Variants in PCSK6 observed in about 807,000 individuals in gnomAD.
The protein encoded by PCSK6 is paired basic amino acid cleaving enzyme 4.
PCSK6 carries 85 observed loss-of-function variants against 123.3 expected under a neutral mutation model. The ratio of observed to expected loss-of-function variants is 0.69; its 90% CI spans 0.58 to 0.83. The LOEUF (loss-of-function observed/expected upper bound fraction) is 0.83. Ranked by LOEUF, PCSK6 falls within the 40% of genes least tolerant of loss-of-function variation. PCSK6 has a pLI of 0.00. For synonymous variants in PCSK6, 508 were observed against 516.0 expected, an observed-to-expected ratio of 0.98 and a Z score of 0.21; for missense variants, 1,191 against 1,282.3, an observed-to-expected ratio of 0.93 and a Z score of 1.09.
At chr15:101,421,145 C>T (rs1275055893) in intron 6 of PCSK6, among the ~76,000 whole-genome samples, 1 of 152,162 alleles carries the variant, frequency 6.6e-6, no homozygotes, top group Non-Finnish European at 1.5e-5. Context: ...CAGGGTTTCA[C>T]CATGTTGGCA....
intron 2 of PCSK6, 100 bp downstream of exon 2, chr15:101,443,456 C>T (rs2141152759): frequency 1.3e-6 from 1 of 783,956 alleles, no homozygotes; most frequent in East Asian, 2.5e-5. Flanking sequence ...ATGGAAAACT[C>T]ATGTCTATCC....
intron 1 of PCSK6, among the ~76,000 whole-genome samples, chr15:101,474,951 G>T (rs374344974): frequency 1.3e-5 from 2 of 152,062 alleles, no homozygotes. Context: ...AGTTGTTTTC[G>T]GATGGGATGC....
chr15:101,403,671 G>A (rs2042678627), intron 6 of PCSK6, among the ~76,000 whole-genome samples: 1 of 152,140 alleles, frequency 6.6e-6, no homozygotes, highest in African/African-American at 2.4e-5. Context: ...CTTCTCAGAG[G>A]AAAATGATCA....
chr15:101,450,473 A>G (rs1456709410), intron 1 of PCSK6, among the ~76,000 whole-genome samples: 1 of 152,186 alleles, frequency 6.6e-6, no homozygotes, highest in African/African-American at 2.4e-5. Flanking sequence ...CTGTATGCCC[A>G]GACATGGCTA....
chr15:101,390,141 C>T (rs879519479), intron 8 of PCSK6, among the ~76,000 whole-genome samples: 8 of 43,802 alleles, frequency 1.8e-4, no homozygotes, highest in Admixed American at 9.3e-4. Flanking sequence ...TGTTCTTGAC[C>T]GCCCAAGGCC....
chr15:101,447,413 A>G (rs1299145589), intron 1 of PCSK6, among the ~76,000 whole-genome samples: 2 of 152,146 alleles, frequency 1.3e-5, no homozygotes, highest in Non-Finnish European at 2.9e-5. Context: ...TTCACAGATG[A>G]GTATACTGAG....
chr15:101,358,310 A>G (rs545666679), intron 13 of PCSK6, among the ~76,000 whole-genome samples: 1 of 152,338 alleles, frequency 6.6e-6, no homozygotes, highest in Admixed American at 6.5e-5. Flanking sequence ...AAGATAAAAA[A>G]AAACAAAGTG....
chr15:101,307,512 C>G (rs1401924456), intron 20 of PCSK6, 187 bp from the exon 21 acceptor site: 1 of 565,258 alleles, frequency 1.8e-6, no homozygotes, highest in Non-Finnish European at 3.2e-6. Context: ...TTTCTCCTGT[C>G]TGACCTCACT....
intron 2 of PCSK6, among the ~76,000 whole-genome samples, chr15:101,439,825 T>TA (rs1008105117): frequency 7.9e-4 from 120 of 152,314 alleles, no homozygotes; most frequent in African/African-American, 2.6e-3. Flanking sequence ...TTCTAAGCTT[T>TA]AAAGCACTGA....
chr15:101,379,277 C>T (rs556402359), intron 11 of PCSK6, among the ~76,000 whole-genome samples: 11 of 152,186 alleles, frequency 7.2e-5, no homozygotes, highest in Non-Finnish European at 1.6e-4. Flanking sequence ...TGCCCCTGCC[C>T]GTGACCAGAG....
chr15:101,314,394 C>G (rs147724848), intron 19 of PCSK6, among the ~76,000 whole-genome samples: 47 of 152,280 alleles, frequency 3.1e-4, no homozygotes, highest in Non-Finnish European at 2.4e-4. Context: ...TGACTGACAG[C>G]GGAGAGGGTT....
At chr15:101,406,880 C>T (rs1404452964) in intron 6 of PCSK6, among the ~76,000 whole-genome samples, 1 of 152,186 alleles carries the variant, frequency 6.6e-6, no homozygotes, top group African/African-American at 2.4e-5. Flanking sequence ...CAGCTGTAGC[C>T]AGCGACGCTC....
intron 2 of PCSK6, among the ~76,000 whole-genome samples, chr15:101,435,318 A>AGAAAGAAAGAAAGAAAG (rs1555459439): frequency 3.4e-5 from 5 of 148,100 alleles, no homozygotes; most frequent in African/African-American, 1.3e-4. Flanking sequence ...CTCAAAAAAA[A>AGAAAGAAAGAAAGAAAG]AAAGAAAGAA....
chr15:101,474,496 T>C (rs28677084), intron 1 of PCSK6, among the ~76,000 whole-genome samples: 2,644 of 152,272 alleles, frequency 0.017, 61 homozygotes, highest in African/African-American at 0.06. Flanking sequence ...TGAGCCAGCA[T>C]CCAATAAATG....
At chr15:101,387,675 C>A (rs2042104385) in intron 9 of PCSK6, among the ~76,000 whole-genome samples, 1 of 152,264 alleles carries the variant, frequency 6.6e-6, no homozygotes, top group South Asian at 2.1e-4. Flanking sequence ...TATGGGTTTT[C>A]CTTCATTCTG....
chr15:101,372,558 G>T (rs1023953772), intron 11 of PCSK6, among the ~76,000 whole-genome samples: 3 of 152,128 alleles, frequency 2.0e-5, no homozygotes, highest in African/African-American at 7.2e-5. Context: ...GCGAACACAA[G>T]AGAAGGCTCT....
chr15:101,318,297 C>A (rs1466160362), intron 19 of PCSK6, 22 bp downstream of exon 19: 15 of 1,523,746 alleles, frequency 9.8e-6, no homozygotes, highest in Non-Finnish European at 4.5e-6. Flanking sequence ...TGGCCCGAGG[C>A]CTCCGCAGGC....
At chr15:101,311,116 T>G (rs529672431) in intron 20 of PCSK6, among the ~76,000 whole-genome samples, 13 of 150,524 alleles carry the variant, frequency 8.6e-5, no homozygotes, top group Non-Finnish European at 1.5e-4. Context: ...ACTCCTGACT[T>G]TTTTTTTTCT....
At chr15:101,446,459 A>G (rs2056892183) in intron 1 of PCSK6, among the ~76,000 whole-genome samples, 1 of 152,220 alleles carries the variant, frequency 6.6e-6, no homozygotes, top group African/African-American at 2.4e-5. Context: ...CTGTGTACAA[A>G]TATCTGCTCG....
Sources: allele counts gnomAD v4.1 joint callset (sites outside exome capture counted in the v4.1 genomes callset), GRCh38; gene constraint gnomAD v4.1.1; transcripts MANE v1.5; gene names NCBI Gene and HGNC (gene_info 2026-07-23, HGNC 2026-07-21).